The following ARMCX4 variants were observed in gnomAD, a reference collection of about 807,000 sequenced individuals.
ARMCX4 encodes armadillo repeat containing X-linked 4, also known as armadillo repeat-containing X-linked protein 4.
In ARMCX4, 3 loss-of-function variants were observed where a neutral mutation model predicts 34.7. The observed-to-expected ratio is 0.09, with a 90% confidence interval of 0.04 to 0.22. The LOEUF is 0.22. Among genes scored for constraint, ARMCX4 ranks in the 10% least tolerant of loss-of-function variants. ARMCX4 has a pLI of 1.00. For missense variants in ARMCX4, 1,448 were observed against 1,720.8 expected, an observed-to-expected ratio of 0.84 and a Z score of 2.81; for synonymous variants, 513 against 632.8, an observed-to-expected ratio of 0.81 and a Z score of 2.84.
chrX:101,515,248 G>A (rs782451283), intron 11 of ARMCX4, among the ~76,000 whole-genome samples: 3 of 110,882 alleles, frequency 2.7e-5, no homozygotes, highest in Non-Finnish European at 5.7e-5. Context: ...CCAAGTATGT[G>A]ATTAGGAGTA....
chrX:101,496,311 G>A (rs1934176561), downstream of ARMCX4, among the ~76,000 whole-genome samples: 1 of 110,400 alleles, frequency 9.1e-6, no homozygotes, highest in African/African-American at 3.3e-5. Flanking sequence ...TTTATGTGCA[G>A]CAGGAGTCCA....
chrX:101,487,943 G>A (rs886479052), intron 4 of ARMCX4, 101 bp from the exon 5 acceptor site: 2 of 395,203 alleles, frequency 5.1e-6, no homozygotes, highest in East Asian at 1.9e-4. Context: ...CTAATAATAT[G>A]TCTGTCCCAT....
chrX:101,429,332 C>CTTT (rs151320609), intron 2 of ARMCX4, among the ~76,000 whole-genome samples: 2 of 64,145 alleles, frequency 3.1e-5, no homozygotes, highest in East Asian at 4.7e-4. Context: ...CCTAGATTGT[C>CTTT]TTTTTTTTTT....
chrX:101,490,273 C>A lies in ARMCX4; in HGVS notation c.1684C>A (p.Leu562Ile). 8.7e-7 allele frequency: 1 copy of A among 1,154,251 alleles called. No individual in the cohort carries two copies. Among genetic ancestry groups the A allele is most frequent in the Non-Finnish European group, 1.1e-6 (1 of 872,279 alleles). Residue 562 changes from leucine to isoleucine, a missense_variant, in exon 6 of 6, where the codon CTT (leucine) becomes ATT (isoleucine). Around this residue, in one of 2 missense-constraint regions of ARMCX4, gnomAD observed 1,343 missense variants for 1,540.7 expected, o/e 0.87. Transcript: ENST00000423738. ...GGTCAAGACCCCAGCTGAGGCCTTG[C>A]TTGATTCCAGGGTTGATGGTAGGGG... ...AGVKTPAEAL[L>I]DSRVDGRGNP... is the part of the protein sequence containing the mutation.
intron 11 of ARMCX4, among the ~76,000 whole-genome samples, chrX:101,528,193 A>G (rs963119914): frequency 2.7e-5 from 3 of 112,145 alleles, no homozygotes; most frequent in African/African-American, 9.7e-5. Context: ...GCAAATCAAT[A>G]AACGTAATCC....
chrX:101,458,585 C>T lies in ARMCX4; in HGVS notation c.-473+12541C>T, dbSNP rs1932444765. ...CACTGCAACCTCTGCCTCCCGGGTT[C>T]AAGCAATTCTCGTGTCTCAGCCTCC... On this transcript the variant is annotated intron_variant and NMD_transcript_variant, in intron 4 of 15. Transcript: ENST00000433011. Among the ~76,000 whole-genome samples, 4 of 106,250 alleles carry T rather than the reference C, an allele frequency of 3.8e-5. No homozygotes were observed. In the South Asian group the frequency reaches 1.9e-3, roughly 51 times the overall value. The allele number at this position is 106,250 out of a possible 115,157, so 92.3% of individuals were successfully genotyped here.
rs1934113632 is a variant in ARMCX4, at chrX:101,494,139, G to T, written c.5550G>T (p.Gly1850=). 9.1e-7 allele frequency: 1 copy of T among 1,095,332 alleles called. No individual in the cohort carries two copies. Among genetic ancestry groups the T allele is most frequent in the African/African-American group, 1.9e-5 (1 of 54,001 alleles). 90.3% of individuals were successfully genotyped at this position (1,095,332 alleles called of 1,213,427 possible). ...GGCCTGGGACTGAGTCTGGGGCTGGGATTTGGTCCTGGGATGGAGATGCAA... is the reference window on the plus strand; with the variant it reads ...GGCCTGGGACTGAGTCTGGGGCTGGTATTTGGTCCTGGGATGGAGATGCAA... ...GAGPGTESGA[G]IWSWDGDATT... The change falls in exon 6 of 6, where the codon GGG becomes GGT. Residue 1850 remains glycine, a synonymous_variant. Transcript: ENST00000423738.
intron 4 of ARMCX4, among the ~76,000 whole-genome samples, chrX:101,464,953 T>A (rs904751777): frequency 2.7e-5 from 3 of 111,601 alleles, no homozygotes; most frequent in African/African-American, 9.8e-5. Context: ...TCAGACAATG[T>A]AAAATTTATA....
rs1156582627 is a variant in ARMCX4 at position 101,477,430 on chromosome X, C to CAAAAAAAA, written c.-472-8565_-472-8558dup. On this transcript the variant is annotated intron_variant and NMD_transcript_variant, in intron 4 of 15. Transcript: ENST00000433011. ...TGGGTGACAGAGCGAGACTCTGTCTCAAAAAAAAAAAAAAAAAAAAAAAAA... is the reference window on the plus strand; with the variant it reads ...TGGGTGACAGAGCGAGACTCTGTCTCAAAAAAAAAAAAAAAAAAAAAAAAAAAAAAAAA... Among the ~76,000 whole-genome samples the CAAAAAAAA allele has an allele frequency of 1.5e-3, 19 of 12,486 alleles. 2 individuals are homozygous for CAAAAAAAA. Among genetic ancestry groups the CAAAAAAAA allele is most frequent in the African/African-American group, 4.8e-3 (16 of 3,362 alleles). The allele number at this position is 12,486 out of a possible 115,157, so 10.8% of individuals were successfully genotyped here.
intron 4 of ARMCX4, among the ~76,000 whole-genome samples, chrX:101,471,684 C>G (rs1332016836): frequency 4.5e-5 from 5 of 111,468 alleles, no homozygotes; most frequent in African/African-American, 9.8e-5. Flanking sequence ...GAGGCACCCC[C>G]CAGCAGGGGC....
chrX:101,439,046 A>G (rs1297458649), intron 2 of ARMCX4, among the ~76,000 whole-genome samples: 2 of 111,991 alleles, frequency 1.8e-5, no homozygotes, highest in South Asian at 3.7e-4. Context: ...TCGTTAGTTG[A>G]TGCAGTTTCT....
chrX:101,508,685 A>G (rs1166432331), intron 8 of ARMCX4, among the ~76,000 whole-genome samples: 1 of 111,657 alleles, frequency 9.0e-6, no homozygotes, highest in Non-Finnish European at 1.9e-5. Context: ...GTATCGCAAC[A>G]CTATTTTCTA....
At chrX:101,456,489 TC>T (rs1556000259) in intron 4 of ARMCX4, among the ~76,000 whole-genome samples, 1 of 111,742 alleles carries the variant, frequency 8.9e-6, no homozygotes, top group East Asian at 2.8e-4. Flanking sequence ...ATCGTTCATG[TC>T]CTTTGCCCAT....
intron 2 of ARMCX4, among the ~76,000 whole-genome samples, chrX:101,442,381 G>T (rs1212857961): frequency 9.0e-6 from 1 of 111,268 alleles, no homozygotes; most frequent in Non-Finnish European, 1.9e-5. Context: ...TGTCCAAGGG[G>T]TCACCAGATT....
At chrX:101,503,667 T>C (rs1934365227) in intron 7 of ARMCX4, among the ~76,000 whole-genome samples, 1 of 111,951 alleles carries the variant, frequency 8.9e-6, no homozygotes, top group East Asian at 2.8e-4. Context: ...TTTGAGTTCA[T>C]TGTAGATTCT....
intron 2 of ARMCX4, among the ~76,000 whole-genome samples, chrX:101,425,393 C>CTTTT (rs1433372159): frequency 1.1e-5 from 1 of 88,816 alleles, no homozygotes; most frequent in Non-Finnish European, 2.2e-5. Flanking sequence ...GAGGAAGGCA[C>CTTTT]TTTTTTTTTT....
chrX:101,421,453 A>T (rs1374690207), intron 2 of ARMCX4, among the ~76,000 whole-genome samples: 1 of 110,927 alleles, frequency 9.0e-6, no homozygotes, highest in Non-Finnish European at 1.9e-5. Flanking sequence ...GGAGGGAGGG[A>T]GTGTGATATT....
intron 2 of ARMCX4, among the ~76,000 whole-genome samples, chrX:101,438,881 G>C (rs1421492757): frequency 1.8e-5 from 2 of 111,156 alleles, no homozygotes; most frequent in Non-Finnish European, 3.8e-5. Flanking sequence ...TGTGAGATGG[G>C]TTTCCTGAAT....
chrX:101,506,531 AAGAG>A (rs1285624574), intron 8 of ARMCX4, among the ~76,000 whole-genome samples: 1 of 110,308 alleles, frequency 9.1e-6, no homozygotes, highest in Non-Finnish European at 1.9e-5. Context: ...GAGAGAGAGA[AAGAG>A]AGAGAGAGAC....
Sources: gnomAD v4.1 joint callset for allele counts (sites outside exome capture counted in the v4.1 genomes callset) on GRCh38, gnomAD v4.1.1 for gene constraint, gnomAD v4.1.1 regional missense constraint, MANE v1.5 for transcripts, NCBI Gene and HGNC (gene_info 2026-07-23, HGNC 2026-07-21) for gene names.